LIN7A: variants seen among roughly 807,000 people sequenced by gnomAD.
LIN7A encodes lin-7 cell polarity scaffold A.
LIN7A carries 25 observed loss-of-function variants against 29.8 expected under a neutral mutation model. That is an observed-to-expected ratio of 0.84 (90% CI 0.61 to 1.17). The LOEUF (loss-of-function observed/expected upper bound fraction) is 1.17. Ranked by LOEUF, LIN7A falls within the 50% of genes most tolerant of loss-of-function variation. LIN7A has a pLI of 0.00. For missense variants in LIN7A, 239 were observed against 287.0 expected (o/e 0.83, Z 1.21); for synonymous variants, 118 against 107.5 (o/e 1.10, Z -0.60).
At chr12:80,933,696 A>G (rs1878044664) in intron 1 of LIN7A, among the ~76,000 whole-genome samples, 1 of 152,124 alleles carries the variant, frequency 6.6e-6, no homozygotes, top group Non-Finnish European at 1.5e-5. Flanking sequence ...CCCAGTATGC[A>G]CAGGAGTTCC....
Position 80,889,126 on chromosome 12 carries a change from G to C in LIN7A, c.201+125C>G. 3 of 687,638 alleles carry C rather than the reference G, an allele frequency of 4.4e-6. No individual in the cohort carries two copies. The South Asian group carries it at 4.8e-5, about 11-fold the overall frequency. 42.6% of individuals were successfully genotyped at this position (687,638 alleles called of 1,614,324 possible). A position where few individuals can be genotyped will look rare whatever the true frequency, so the allele number is the denominator to read the frequency against. ...TTATATTTTATCATCTGTCCAAGTA[G>C]CTAAAAACAGAAAATTAAAATGTAG... On this transcript the variant is annotated intron_variant, in intron 2 of 5. Coordinates refer to ENST00000552864, the MANE Select transcript of LIN7A (RefSeq NM_004664.4).
intron 1 of LIN7A, among the ~76,000 whole-genome samples, chr12:80,930,114 A>G (rs1182584499): frequency 6.6e-6 from 1 of 152,252 alleles, no homozygotes; most frequent in African/African-American, 2.4e-5. Context: ...ACACTGGGCA[A>G]GTAAACAAAA....
In LIN7A at chr12:80,813,293, A is replaced by G. The variant is rs555638155; in HGVS notation, c.484-1610T>C. On this transcript the variant is annotated intron_variant, in intron 4 of 5. Coordinates refer to ENST00000552864, the MANE Select transcript of LIN7A (RefSeq NM_004664.4). Reference sequence around the variant, plus strand: ...CCCAAAGTGCTGGGATTACAGGCGTAAGCCACCGTGCCTGGTCAATATTTC... The same window carrying G: ...CCCAAAGTGCTGGGATTACAGGCGTGAGCCACCGTGCCTGGTCAATATTTC... Among the ~76,000 whole-genome samples the G allele has an allele frequency of 9.3e-4, 142 of 152,278 alleles. 1 individual carries two copies. Among genetic ancestry groups the G allele is most frequent in the African/African-American group, 1.7e-3 (71 of 41,570 alleles).
chr12:80,820,630 T>TACACACACACACACACACACACACACAC (rs3072333), intron 4 of LIN7A, among the ~76,000 whole-genome samples: 23 of 147,518 alleles, frequency 1.6e-4, no homozygotes, highest in African/African-American at 5.8e-4. Context: ...GAAGATTAAA[T>TACACACACACACACACACACACACACAC]ACACACACAC....
At chr12:80,920,371 A>G (rs1297530332) in intron 1 of LIN7A, among the ~76,000 whole-genome samples, 1 of 152,228 alleles carries the variant, frequency 6.6e-6, no homozygotes, top group Non-Finnish European at 1.5e-5. Flanking sequence ...CTCTGGGTTA[A>G]GGTAAAATTG....
At chr12:80,833,816 T>C (rs1229341246) in intron 4 of LIN7A, among the ~76,000 whole-genome samples, 2 of 152,228 alleles carry the variant, frequency 1.3e-5, no homozygotes, top group Non-Finnish European at 2.9e-5. Flanking sequence ...CCATTTCCTC[T>C]ACAAAGGCAG....
intron 5 of LIN7A, among the ~76,000 whole-genome samples, chr12:80,807,015 A>G (rs796260150): frequency 1.9e-4 from 29 of 151,048 alleles, no homozygotes; most frequent in African/African-American, 7.1e-4. Context: ...TTTTACTAAA[A>G]ATACTAGTCT....
At chr12:80,808,122 T>C (rs1315814071) in intron 5 of LIN7A, among the ~76,000 whole-genome samples, 1 of 152,196 alleles carries the variant, frequency 6.6e-6, no homozygotes, top group Non-Finnish European at 1.5e-5. Context: ...CTGGCTTTCT[T>C]TCTGTTCCTC....
chr12:80,931,841 G>A (rs1263035211), intron 1 of LIN7A, among the ~76,000 whole-genome samples: 1 of 152,126 alleles, frequency 6.6e-6, no homozygotes, highest in African/African-American at 2.4e-5. Context: ...GCTATGGGAA[G>A]GATTTAGGAC....
intron 1 of LIN7A, among the ~76,000 whole-genome samples, chr12:80,921,122 G>A (rs75804795): frequency 0.013 from 1,958 of 152,236 alleles, 31 homozygotes; most frequent in African/African-American, 0.041. Context: ...TCAAGAGGGC[G>A]CTGGAGATTA....
chr12:80,806,352 A>G (rs1379440684), intron 5 of LIN7A, among the ~76,000 whole-genome samples: 1 of 152,178 alleles, frequency 6.6e-6, no homozygotes, highest in Non-Finnish European at 1.5e-5. Context: ...TGTATCCTTC[A>G]ATATTATCAA....
chr12:80,804,108 T>C (rs1870856398), intron 5 of LIN7A, among the ~76,000 whole-genome samples: 1 of 152,194 alleles, frequency 6.6e-6, no homozygotes. Flanking sequence ...GTACATGATA[T>C]ATATATTTAT....
intron 2 of LIN7A, among the ~76,000 whole-genome samples, chr12:80,877,137 A>AAAAAG (rs1450492334): frequency 6.6e-6 from 1 of 151,638 alleles, no homozygotes; most frequent in African/African-American, 2.4e-5. Flanking sequence ...AAAAAAAAAA[A>AAAAAG]AGTTAAATAT....
intron 5 of LIN7A, among the ~76,000 whole-genome samples, chr12:80,797,975 C>T (rs185709785): frequency 2.0e-5 from 3 of 152,294 alleles, no homozygotes; most frequent in Non-Finnish European, 2.9e-5. Flanking sequence ...AGTTTGGAAA[C>T]ATTTCAAATG....
chr12:80,876,052 T>TACACACACACAC (rs67035673), intron 2 of LIN7A, among the ~76,000 whole-genome samples: 8 of 148,226 alleles, frequency 5.4e-5, no homozygotes, highest in African/African-American at 1.5e-4. Context: ...ATTATTTTTA[T>TACACACACACAC]ACACACACAC....
chr12:80,811,515 G>T lies in LIN7A; in HGVS notation c.652C>A (p.Gln218Lys), dbSNP rs1385542722. 6.2e-7 allele frequency: 1 copy of T among 1,606,442 alleles called. No individual in the cohort carries two copies. Among genetic ancestry groups the T allele is most frequent in the Non-Finnish European group, 8.5e-7 (1 of 1,175,232 alleles). ...TGTTGCTGCTGCTGCTGTTGCTGCT[G>T]CTGAATTAGCAATTGCTGCTGCTGC... ...RRQQQQLLIQ[Q>K]QQQQQQQQTQ... Residue 218 changes from glutamine to lysine, a missense_variant, in exon 5 of 6, where the codon CAG becomes AAG. Coordinates refer to ENST00000552864, the MANE Select transcript of LIN7A (RefSeq NM_004664.4).
rs1198031885 is a variant in LIN7A, at chr12:80,937,770, G to A, written c.-48C>T. The A allele has an allele frequency of 2.0e-6, 2 of 1,004,412 alleles. No individual in the cohort carries two copies. The highest frequency in any genetic ancestry group is 2.9e-5 in the Admixed American group (1 of 34,020). 62.2% of individuals were successfully genotyped at this position (1,004,412 alleles called of 1,614,324 possible). On this transcript the variant is annotated 5_prime_UTR_variant, in exon 1 of 6. Transcript: ENST00000552864. ...AAAAAGGAGGAGATTGGGGGCGGGG[G>A]TGGAGAGGGAAGACGGAAAGGAGGG...
chr12:80,798,421 C>T lies in LIN7A; in HGVS notation c.*1-695G>A, dbSNP rs116440355. ...GATTTTAACAAAATTGTTCTGTTTA[C>T]TTTGCGTCAACACTCTCCAGCTGTC... On this transcript the variant is annotated intron_variant, in intron 5 of 5. Transcript: ENST00000552864. Among the ~76,000 whole-genome samples the T allele has an allele frequency of 6.9e-3, 1,050 of 152,250 alleles. 9 individuals carry two copies. The highest frequency in any genetic ancestry group is 0.02 in the African/African-American group (813 of 41,534).
At chr12:80,809,150 T>A (rs1227003175) in intron 5 of LIN7A, among the ~76,000 whole-genome samples, 1 of 152,066 alleles carries the variant, frequency 6.6e-6, no homozygotes, top group Non-Finnish European at 1.5e-5. Flanking sequence ...TGAATTTTAA[T>A]AGAGATGGGA....
Sources: allele counts gnomAD v4.1 joint callset (sites outside exome capture counted in the v4.1 genomes callset), GRCh38; gene constraint gnomAD v4.1.1; transcripts MANE v1.5; gene names NCBI Gene and HGNC (gene_info 2026-07-23, HGNC 2026-07-21).